Variants in CREBBP observed in about 807,000 individuals in gnomAD.
CREBBP encodes CREB binding lysine acetyltransferase, also known as CREB-binding protein.
Under a neutral mutation model 265.0 loss-of-function variants are expected in CREBBP, and 19 were observed. The observed-to-expected ratio is 0.07, with a 90% confidence interval of 0.05 to 0.11. CREBBP has a LOEUF of 0.11. Ranked by LOEUF, CREBBP falls within the 10% of genes least tolerant of loss-of-function variation. CREBBP has a pLI of 1.00. For synonymous variants in CREBBP, 1,457 were observed against 1,223.7 expected, an observed-to-expected ratio of 1.19 and a Z score of -3.98; for missense variants, 2,525 against 3,219.0, an observed-to-expected ratio of 0.78 and a Z score of 5.22.
intron 2 of CREBBP, among the ~76,000 whole-genome samples, chr16:3,820,681 T>G (rs367807940): frequency 5.9e-5 from 9 of 152,266 alleles, no homozygotes; most frequent in African/African-American, 2.2e-4. Flanking sequence ...CTGGGCAACG[T>G]AGCAAAACCC....
chr16:3,760,251 C>G, intron 16 of CREBBP, among the ~76,000 whole-genome samples: 1 of 151,934 alleles, frequency 6.6e-6, no homozygotes, highest in Non-Finnish European at 1.5e-5. Flanking sequence ...GCTACCATGC[C>G]TGACTCATTT....
At chr16:3,767,554 G>A in intron 16 of CREBBP, 166 bp downstream of exon 16, 3 of 907,652 alleles carry the variant, frequency 3.3e-6, no homozygotes, top group South Asian at 1.6e-5. Flanking sequence ...CAGGGGTCCT[G>A]CTCAGCCTGA....
intron 10 of CREBBP, 77 bp from the exon 11 acceptor site, chr16:3,777,734 T>A: frequency 6.4e-7 from 1 of 1,553,252 alleles, no homozygotes; most frequent in East Asian, 2.3e-5. Context: ...AATAGGAAAT[T>A]TCTTATTAGG....
chr16:3,849,470 TGTGTGTGTGTGTGTGTGTGA>T (rs2054776042), intron 2 of CREBBP, among the ~76,000 whole-genome samples: 6 of 127,432 alleles, frequency 4.7e-5, no homozygotes, highest in Non-Finnish European at 1.0e-4. Flanking sequence ...TGTGTGTGTG[TGTGTGTGTGTGTGTGTGTGA>T]TGTGCGTGAC....
chr16:3,761,464 A>G, intron 16 of CREBBP: 1 of 501,452 alleles, frequency 2.0e-6, no homozygotes, highest in Non-Finnish European at 3.9e-6. Context: ...AAAAGTTAAA[A>G]GTTGGAAGGA....
Position 3,749,612 on chromosome 16 carries a change from T to C in CREBBP, c.3836+15A>G, listed in dbSNP as rs373374163. ...ACCAAAACTGAAAGTAAAAAAGAAA[T>C]AGCTATATACTTACGGTTCGGGGTC... On this transcript the variant is annotated intron_variant, in intron 21 of 30. Transcript: ENST00000262367. 9 of 1,577,662 alleles carry C rather than the reference T, an allele frequency of 5.7e-6. No homozygotes were observed. Among genetic ancestry groups the C allele is most frequent in the Middle Eastern group, 1.7e-4 (1 of 6,018 alleles).
chr16:3,880,022 G>A lies in CREBBP; in HGVS notation c.-106C>T, dbSNP rs2055495885. ...GCTGCGAGGGAGAGGAGCGAGCGCG[G>A]GCCGCGAGCGGGCGGGCGGGCGCCG... On this transcript the variant is annotated 5_prime_UTR_variant, in exon 1 of 31. Coordinates refer to ENST00000262367, the MANE Select transcript of CREBBP (RefSeq NM_004380.3). 4.1e-6 allele frequency: 4 copies of A among 975,534 alleles called. No homozygotes were observed. The East Asian group carries it at 1.5e-4, about 36-fold the overall frequency. The allele number at this position is 975,534 out of a possible 1,614,324, so 60.4% of individuals were successfully genotyped here.
intron 1 of CREBBP, among the ~76,000 whole-genome samples, chr16:3,864,360 C>T (rs1244647204): frequency 6.6e-6 from 1 of 152,136 alleles, no homozygotes; most frequent in Non-Finnish European, 1.5e-5. Context: ...AAAAGTATGC[C>T]AGTACCAGGT....
At position 3,770,571 on chromosome 16, in the gene CREBBP, G is replaced by A. The variant is rs761877981; in HGVS notation, c.2879C>T (p.Pro960Leu). Reference protein sequence around the residue: ...TPVHAQPPGTPLSQAAASIDN... With the variant: ...TPVHAQPPGTLLSQAAASIDN... ...AACAGCAGAGACAGAGAGGCTTACCGGTGTGCCAGGAGGCTGGGCGTGCAC... is the reference window on the plus strand; with the variant it reads ...AACAGCAGAGACAGAGAGGCTTACCAGTGTGCCAGGAGGCTGGGCGTGCAC... The change falls in exon 14 of 31, where the codon CCG (proline) becomes CTG (leucine). Residue 960 changes from proline (P) to leucine (L), a missense_variant and splice_region_variant. Transcript: ENST00000262367. The A allele has an allele frequency of 4.3e-6, 7 of 1,612,894 alleles. No homozygotes were observed. Among genetic ancestry groups the A allele is most frequent in the East Asian group, 4.5e-5 (2 of 44,886 alleles).
chr16:3,812,483 A>G (rs527317313), intron 2 of CREBBP, among the ~76,000 whole-genome samples: 2 of 151,850 alleles, frequency 1.3e-5, no homozygotes, highest in Admixed American at 1.3e-4. Flanking sequence ...CCGGCCTAAA[A>G]TTTTCCATAA....
intron 1 of CREBBP, among the ~76,000 whole-genome samples, chr16:3,870,345 C>A: frequency 6.6e-6 from 1 of 152,214 alleles, no homozygotes; most frequent in East Asian, 1.9e-4. Context: ...CCTGACTAAA[C>A]TGGACAGTGA....
In CREBBP at chr16:3,731,345, G is replaced by A. The variant is rs1352711836; in HGVS notation, c.5019C>T (p.Asp1673=). The change falls in exon 30 of 31, where the codon GAC becomes GAT. Residue 1673 remains aspartate (D), a synonymous_variant. Transcript: ENST00000262367. The surrounding 1 kb of genome is among the most constrained non-coding windows in gnomAD (Gnocchi z 7.7). ...GRDAFLTLAR[D]KHWEFSSLRR... ...GCAAGGAGGAGAACTCCCAGTGCTT[G>A]TCTCTGGCGAGGGTGAGGAAGGCGT... 1 of 1,613,918 alleles carries A rather than the reference G, an allele frequency of 6.2e-7. No individual in the cohort carries two copies. The highest frequency in any genetic ancestry group is 1.7e-5 in the Admixed American group (1 of 59,988).
intron 1 of CREBBP, among the ~76,000 whole-genome samples, chr16:3,861,652 CAAAA>C (rs368654449): frequency 3.3e-5 from 4 of 121,084 alleles, no homozygotes; most frequent in Non-Finnish European, 5.3e-5. Flanking sequence ...CTCTCTATAC[CAAAA>C]AAAAAAAAAA....
chr16:3,846,880 A>C (rs573687916), intron 2 of CREBBP, among the ~76,000 whole-genome samples: 1 of 152,360 alleles, frequency 6.6e-6, no homozygotes, highest in East Asian at 1.9e-4. Context: ...TCAAGAATTA[A>C]GAATTAACTC....
chr16:3,851,085 T>C, intron 1 of CREBBP, 76 bp from the exon 2 acceptor site: 1 of 1,279,028 alleles, frequency 7.8e-7, no homozygotes, highest in Non-Finnish European at 1.1e-6. Context: ...TTCTATGATC[T>C]TAACCTAATG....
rs746692385 is a variant in CREBBP at position 3,728,244 on chromosome 16, A to T, written c.6803T>A (p.Met2268Lys). ...GSSMGQMAAQMGQLGQMGQPG... is the reference protein window; with the variant it reads ...GSSMGQMAAQKGQLGQMGQPG... ...CTGCCCCATCTGGCCAAGCTGTCCC[A>T]TCTGAGCCGCCATCTGGCCCATGGA... The change falls in exon 31 of 31, where the codon ATG (methionine) becomes AAG (lysine). Residue 2268 changes from methionine to lysine, a missense_variant. Transcript: ENST00000262367. This position sits in a 1 kb window ranked among gnomAD's most constrained non-coding sequence, Gnocchi z 8.7. The T allele has an allele frequency of 1.2e-6, 2 of 1,613,012 alleles. No homozygotes were observed. The highest frequency in any genetic ancestry group is 1.7e-6 in the Non-Finnish European group (2 of 1,179,874).
rs2053200526 is a variant in CREBBP, at chr16:3,778,634, C to A, written c.1941+66G>T. ...ATTCCACTATTTCCAGATAACAAAG[C>A]AGACAAATGTAGTGCTGTCTACTAC... On this transcript the variant is annotated intron_variant, in intron 9 of 30. Coordinates refer to ENST00000262367, the MANE Select transcript of CREBBP (RefSeq NM_004380.3). 12 of 1,264,570 alleles carry A rather than the reference C, an allele frequency of 9.5e-6. No homozygotes were observed. The South Asian group carries it at 1.4e-4, about 15-fold the overall frequency. 78.3% of individuals were successfully genotyped at this position (1,264,570 alleles called of 1,614,324 possible).
Position 3,828,885 on chromosome 16 carries a change from G to C in CREBBP, c.799-18106C>G, listed in dbSNP as rs950322255. Among the ~76,000 whole-genome samples, 12 of 152,150 alleles carry C rather than the reference G, an allele frequency of 7.9e-5. 1 individual carries two copies. Among genetic ancestry groups the C allele is most frequent in the African/African-American group, 2.9e-4 (12 of 41,422 alleles). ...GATTATTAAAAATGAGAAAAAGCAAGATCATGTTTGCAAAGCACCCAGCAC... is the reference window on the plus strand; with the variant it reads ...GATTATTAAAAATGAGAAAAAGCAACATCATGTTTGCAAAGCACCCAGCAC... On this transcript the variant is annotated intron_variant, in intron 2 of 30. Transcript: ENST00000262367.
intron 26 of CREBBP, among the ~76,000 whole-genome samples, chr16:3,738,261 A>G (rs919055732): frequency 6.6e-6 from 1 of 151,644 alleles, no homozygotes; most frequent in Non-Finnish European, 1.5e-5. Context: ...CCACTGAATC[A>G]TATATCCAAA....
Sources: allele counts gnomAD v4.1 joint callset (sites outside exome capture counted in the v4.1 genomes callset), GRCh38; gene constraint gnomAD v4.1.1; non-coding constraint Gnocchi (gnomAD v3.1); transcripts MANE v1.5; gene names NCBI Gene and HGNC (gene_info 2026-07-23, HGNC 2026-07-21).